Variants in C5orf34 observed in about 807,000 individuals in gnomAD.
The protein encoded by C5orf34 is chromosome 5 open reading frame 34.
In C5orf34, 73 loss-of-function variants were observed where a neutral mutation model predicts 78.4. The ratio of observed to expected loss-of-function variants is 0.93; its 90% CI spans 0.77 to 1.13. The LOEUF (loss-of-function observed/expected upper bound fraction) is 1.13. Among genes scored for constraint, C5orf34 ranks in the 50% most tolerant of loss-of-function variants. C5orf34 has a pLI of 0.00. For synonymous variants in C5orf34, 251 were observed against 246.6 expected (o/e 1.02, Z -0.17); for missense variants, 730 against 732.7 (o/e 1.00, Z 0.04).
chr5:43,514,634 A>C (rs1447698537), intron 1 of C5orf34, among the ~76,000 whole-genome samples, 172 bp downstream of exon 1: 1 of 152,224 alleles, frequency 6.6e-6, no homozygotes, highest in Non-Finnish European at 1.5e-5. Flanking sequence ...CTACAGTCTC[A>C]TTCCCGCTTG....
chr5:43,496,538 T>A (rs1439320753), intron 6 of C5orf34: 3 of 1,190,878 alleles, frequency 2.5e-6, no homozygotes, highest in African/African-American at 3.1e-5. Flanking sequence ...TTCCCATTTT[T>A]TAAAAATATA....
At chr5:43,505,024 T>C (rs1314228414) in intron 4 of C5orf34, among the ~76,000 whole-genome samples, 1 of 152,190 alleles carries the variant, frequency 6.6e-6, no homozygotes, top group African/African-American at 2.4e-5. Flanking sequence ...TTCCTCTACA[T>C]ATAGGGATGA....
At chr5:43,512,245 C>T (rs916132405) in intron 1 of C5orf34, among the ~76,000 whole-genome samples, 3 of 152,200 alleles carry the variant, frequency 2.0e-5, no homozygotes, top group African/African-American at 7.2e-5. Flanking sequence ...CTTTCCAACA[C>T]TAACCCCATC....
In C5orf34 at chr5:43,502,549, G is replaced by T. The variant is rs532521080; in HGVS notation, c.1029-54C>A. On this transcript the variant is annotated intron_variant, in intron 5 of 12. Transcript: ENST00000306862. ...TTTTTTCCACTTGAGATTAAAACATGCATGAAGATAGTCATCAAAAAACAG... is the reference window on the plus strand; with the variant it reads ...TTTTTTCCACTTGAGATTAAAACATTCATGAAGATAGTCATCAAAAAACAG... The T allele has an allele frequency of 5.2e-5, 54 of 1,038,242 alleles. No homozygotes were observed. In the Admixed American group the frequency reaches 1.0e-3, roughly 20 times the overall value. The allele number at this position is 1,038,242 out of a possible 1,614,324, so 64.3% of individuals were successfully genotyped here.
intron 7 of C5orf34, 140 bp from the exon 8 acceptor site, chr5:43,493,752 C>T: frequency 1.8e-6 from 1 of 557,140 alleles, no homozygotes; most frequent in South Asian, 2.7e-5. Flanking sequence ...TTTTTTTCTC[C>T]AGAAATCCTT....
At chr5:43,495,883 T>G in intron 6 of C5orf34, 1 of 1,594,190 alleles carries the variant, frequency 6.3e-7, no homozygotes, top group East Asian at 2.2e-5. Context: ...AACCAGAAAT[T>G]GGCACAAATG....
At chr5:43,496,207 C>G (rs780976321) in intron 6 of C5orf34, 2 of 1,561,606 alleles carry the variant, frequency 1.3e-6, no homozygotes, top group African/African-American at 2.7e-5. Flanking sequence ...ATAGTACTTG[C>G]TGGTCTCAAA....
intron 3 of C5orf34, among the ~76,000 whole-genome samples, chr5:43,507,826 C>T (rs1339593659): frequency 6.6e-6 from 1 of 151,972 alleles, no homozygotes; most frequent in East Asian, 1.9e-4. Flanking sequence ...CGCCTGTAAT[C>T]CCAGCACTTT....
At chr5:43,495,999 T>A in intron 6 of C5orf34, 1 of 1,591,176 alleles carries the variant, frequency 6.3e-7, no homozygotes, top group Non-Finnish European at 8.5e-7. Context: ...GAATCCATTT[T>A]GTTAACACCA....
chr5:43,495,735 T>C (rs1396138102), intron 6 of C5orf34: 2 of 1,582,202 alleles, frequency 1.3e-6, no homozygotes, highest in East Asian at 2.2e-5. Flanking sequence ...GGCTTGTCAG[T>C]TGGATGAGTT....
At position 43,508,671 on chromosome 5, in the gene C5orf34, G is replaced by T; in HGVS notation, c.196-5C>A. The T allele has an allele frequency of 1.3e-6, 2 of 1,543,400 alleles. No individual in the cohort carries two copies. The highest frequency in any genetic ancestry group is 1.7e-4 in the Middle Eastern group (1 of 5,888). On this transcript the variant is annotated splice_polypyrimidine_tract_variant and splice_region_variant and intron_variant, in intron 2 of 12. Coordinates refer to ENST00000306862, the MANE Select transcript of C5orf34 (RefSeq NM_198566.4). ...TAGGGCTCGCTGTAGTTGCTCCTATGAAAAGAAATATAAAATGTAACCTTA... is the reference window on the plus strand; with the variant it reads ...TAGGGCTCGCTGTAGTTGCTCCTATTAAAAGAAATATAAAATGTAACCTTA...
chr5:43,508,851 TG>T (rs751262517), intron 2 of C5orf34, among the ~76,000 whole-genome samples, 185 bp from the exon 3 acceptor site: 17 of 152,214 alleles, frequency 1.1e-4, no homozygotes, highest in Non-Finnish European at 2.4e-4. Context: ...CCTGGCATAA[TG>T]GGAGGCCAAG....
chr5:43,498,178 C>T (rs908667148), intron 6 of C5orf34, among the ~76,000 whole-genome samples: 1 of 152,204 alleles, frequency 6.6e-6, no homozygotes, highest in Non-Finnish European at 1.5e-5. Context: ...CTGTTTTGCT[C>T]ATGTCTGTAT....
chr5:43,492,221 T>C lies in C5orf34; in HGVS notation c.1574A>G (p.Tyr525Cys). 6.3e-7 allele frequency: 1 copy of C among 1,597,856 alleles called. No homozygotes were observed. Among genetic ancestry groups the C allele is most frequent in the Non-Finnish European group, 8.5e-7 (1 of 1,173,738 alleles). ...TAAAATTGCTTTTCAGTACCTTTCA[T>C]ATGGTTCAGGGTGTTCAATCTGAAT... Reference protein sequence around the residue: ...QLIQIEHPEPYERYVTTVTSW... With the variant: ...QLIQIEHPEPCERYVTTVTSW... Residue 525 changes from tyrosine to cysteine, a missense_variant, in exon 10 of 13, where the codon TAT becomes TGT. Transcript: ENST00000306862.
In C5orf34 at chr5:43,506,235, A is replaced by G; in HGVS notation, c.445T>C (p.Cys149Arg). The G allele has an allele frequency of 6.2e-7, 1 of 1,614,184 alleles. No individual in the cohort carries two copies. The highest frequency in any genetic ancestry group is 2.2e-5 in the East Asian group (1 of 44,886). ...GAGTCTGACTTCTGGCTAACTTTAC[A>G]CAAAAAATGTACTGTAAATTCATGC... Reference protein sequence around the residue: ...SQHEFTVHFLCKVSQKSDSSA... With the variant: ...SQHEFTVHFLRKVSQKSDSSA... Residue 149 changes from cysteine to arginine, a missense_variant, in exon 4 of 13, where the codon TGT becomes CGT. Physicochemically the swap from Cys to Arg is radical, Grantham distance 180. Transcript: ENST00000306862.
chr5:43,500,337 G>A lies in C5orf34; in HGVS notation c.1152+2035C>T, dbSNP rs116988677. ...TTTTGGTCTATTACTGATTTATAGT[G>A]TGGAATATCTTCTGGGCTTTTGCTT... On this transcript the variant is annotated intron_variant, in intron 6 of 12. Transcript: ENST00000306862. Among the ~76,000 whole-genome samples, 65 of 152,162 alleles carry A rather than the reference G, an allele frequency of 4.3e-4. No individual in the cohort carries two copies. The East Asian group carries it at 0.012, about 28-fold the overall frequency.
At chr5:43,495,608 T>C (rs1745477135) in intron 6 of C5orf34, 4 of 1,610,926 alleles carry the variant, frequency 2.5e-6, no homozygotes, top group East Asian at 2.2e-5. Flanking sequence ...TGTTGTAATG[T>C]TGACTGGAGC....
At position 43,509,187 on chromosome 5, in the gene C5orf34, T is replaced by G; in HGVS notation, c.153A>C (p.Glu51Asp). ...PVSAHPLEQP[E>D]RIRQRTHFVI... ...CAAAATGTGTCCTTTGACGAATTCTTTCTGGTTGTTCTAAAGGATGTGCTG... is the reference window on the plus strand; with the variant it reads ...CAAAATGTGTCCTTTGACGAATTCTGTCTGGTTGTTCTAAAGGATGTGCTG... The change falls in exon 2 of 13, where the codon GAA becomes GAC. Residue 51 changes from glutamate (E) to aspartate (D), a missense_variant. Transcript: ENST00000306862. The G allele has an allele frequency of 1.9e-6, 3 of 1,613,962 alleles. No homozygotes were observed. The highest frequency in any genetic ancestry group is 2.5e-6 in the Non-Finnish European group (3 of 1,179,986).
At chr5:43,495,683 A>G in intron 6 of C5orf34, 2 of 1,580,904 alleles carry the variant, frequency 1.3e-6, no homozygotes, top group African/African-American at 1.3e-5. Context: ...AACAGTACCA[A>G]TACCACCAAT....
Sources: allele counts gnomAD v4.1 joint callset (sites outside exome capture counted in the v4.1 genomes callset), GRCh38; gene constraint gnomAD v4.1.1; transcripts MANE v1.5; gene names NCBI Gene and HGNC (gene_info 2026-07-23, HGNC 2026-07-21).